The following MBD5 variants were observed in gnomAD, a reference collection of about 807,000 sequenced individuals.
The protein encoded by MBD5 is methyl-CpG-binding domain protein 5.
In MBD5, 13 loss-of-function variants were observed where a neutral mutation model predicts 117.3. That is an observed-to-expected ratio of 0.11 (90% CI 0.07 to 0.18). The LOEUF (loss-of-function observed/expected upper bound fraction) is 0.18, where lower values mean the gene tolerates loss of function less well. MBD5 is among the 10% of genes least tolerant of loss of function. MBD5 has a pLI of 1.00. For synonymous variants in MBD5, 727 were observed against 766.4 expected, an observed-to-expected ratio of 0.95 and a Z score of 0.85; for missense variants, 1,879 against 2,093.8, an observed-to-expected ratio of 0.90 and a Z score of 2.00.
At chr2:148,197,806 G>GTTTTTGTTTTTGTT in intron 2 of MBD5, among the ~76,000 whole-genome samples, 1 of 92,520 alleles carries the variant, frequency 1.1e-5, no homozygotes, top group Non-Finnish European at 2.1e-5. Context: ...TTTTTTTTTT[G>GTTTTTGTTTTTGTT]TTTTTTTTTT....
intron 10 of MBD5, among the ~76,000 whole-genome samples, chr2:148,488,943 T>TA (rs2105119339): frequency 6.6e-6 from 1 of 152,304 alleles, no homozygotes; most frequent in East Asian, 1.9e-4. Context: ...GTATTTCACT[T>TA]AGTTAAGTGG....
chr2:148,331,308 C>T (rs541839597), intron 3 of MBD5, among the ~76,000 whole-genome samples: 1 of 151,898 alleles, frequency 6.6e-6, no homozygotes, highest in South Asian at 2.1e-4. Flanking sequence ...AGACTTACAA[C>T]AGCAGTCCCC....
At chr2:148,464,358 C>T (rs796610846) in intron 7 of MBD5, among the ~76,000 whole-genome samples, 7 of 152,210 alleles carry the variant, frequency 4.6e-5, no homozygotes, top group African/African-American at 1.7e-4. Context: ...TTTATATCTC[C>T]ACCACCACAC....
chr2:148,213,564 A>G (rs1699482142), intron 2 of MBD5, among the ~76,000 whole-genome samples: 10 of 152,200 alleles, frequency 6.6e-5, no homozygotes. Context: ...AAGTTGCCGC[A>G]TCAAAAGTAC....
chr2:148,201,494 C>T (rs1404322611), intron 2 of MBD5, among the ~76,000 whole-genome samples: 1 of 152,182 alleles, frequency 6.6e-6, no homozygotes, highest in African/African-American at 2.4e-5. Flanking sequence ...CCCGGTTGCC[C>T]TGCTCTAGCC....
intron 2 of MBD5, among the ~76,000 whole-genome samples, chr2:148,186,527 A>G (rs1028391099): frequency 1.3e-5 from 2 of 152,250 alleles, no homozygotes; most frequent in Admixed American, 6.5e-5. Context: ...ATATTACCCA[A>G]ATCAAATTGC....
intron 4 of MBD5, among the ~76,000 whole-genome samples, chr2:148,434,231 T>C (rs978382505): frequency 6.6e-6 from 1 of 152,060 alleles, no homozygotes; most frequent in Admixed American, 6.6e-5. Flanking sequence ...ACATACCCTT[T>C]GTCATTTCTA....
intron 8 of MBD5, among the ~76,000 whole-genome samples, chr2:148,482,186 G>T (rs921971284): frequency 6.6e-6 from 1 of 152,090 alleles, no homozygotes; most frequent in Non-Finnish European, 1.5e-5. Flanking sequence ...AAACCCTTTT[G>T]TCCCTGGAAT....
intron 4 of MBD5, among the ~76,000 whole-genome samples, chr2:148,368,342 G>C (rs140179133): frequency 6.6e-6 from 1 of 152,070 alleles, no homozygotes; most frequent in African/African-American, 2.4e-5. Flanking sequence ...AGGGGGTATG[G>C]AAGGGATAGC....
intron 3 of MBD5, among the ~76,000 whole-genome samples, chr2:148,233,965 A>G (rs919421210): frequency 6.6e-6 from 1 of 152,184 alleles, no homozygotes. Flanking sequence ...AGTTAATTCC[A>G]TGACAGCTCC....
intron 11 of MBD5, among the ~76,000 whole-genome samples, chr2:148,497,080 T>C (rs1051626353): frequency 6.6e-6 from 1 of 151,870 alleles, no homozygotes; most frequent in African/African-American, 2.4e-5. Context: ...TAATATTTAC[T>C]ATTTAATAAA....
intron 11 of MBD5, among the ~76,000 whole-genome samples, chr2:148,494,603 A>G (rs780339029): frequency 2.6e-5 from 4 of 152,232 alleles, no homozygotes; most frequent in Non-Finnish European, 5.9e-5. Flanking sequence ...GCCTTGTATT[A>G]TACCACTCAG....
At chr2:148,349,499 T>C (rs1354546323) in intron 4 of MBD5, among the ~76,000 whole-genome samples, 1 of 152,132 alleles carries the variant, frequency 6.6e-6, no homozygotes, top group East Asian at 1.9e-4. Flanking sequence ...CTATTTATTA[T>C]GTAAATATGT....
chr2:148,487,418 G>A (rs1425679128), intron 10 of MBD5, among the ~76,000 whole-genome samples: 2 of 152,102 alleles, frequency 1.3e-5, no homozygotes, highest in African/African-American at 4.8e-5. Flanking sequence ...AAATAGGACT[G>A]GAGTTTAGGG....
rs533289452 is a variant in MBD5, at chr2:148,425,107, A to G, written c.-556-33096A>G. Among the ~76,000 whole-genome samples, 3 of 152,262 alleles carry G rather than the reference A, an allele frequency of 2.0e-5. No homozygotes were observed. The East Asian group carries it at 5.8e-4, about 29-fold the overall frequency. ...AATGAATCCAGGAGCTGGTTTTTTG[A>G]AAAGATCAACAAAATAGATAGACCA... On this transcript the variant is annotated intron_variant, in intron 4 of 13. Transcript: ENST00000642680.
chr2:148,372,831 G>A (rs1461602330), intron 4 of MBD5, among the ~76,000 whole-genome samples: 1 of 152,026 alleles, frequency 6.6e-6, no homozygotes, highest in Admixed American at 6.6e-5. Flanking sequence ...AAAAGACTTA[G>A]TGGAAAGTAA....
chr2:148,313,451 G>A (rs922125464), intron 3 of MBD5, among the ~76,000 whole-genome samples: 3 of 152,164 alleles, frequency 2.0e-5, no homozygotes, highest in Admixed American at 6.5e-5. Context: ...TGTTTACACT[G>A]TGAGGGTAAA....
At chr2:148,149,330 AG>A (rs1697569728) in intron 1 of MBD5, among the ~76,000 whole-genome samples, 1 of 134,358 alleles carries the variant, frequency 7.4e-6, no homozygotes, top group Non-Finnish European at 1.6e-5. Context: ...TTCTTAATCC[AG>A]TCTATCATTG....
At chr2:148,429,418 C>G (rs979526100) in intron 4 of MBD5, among the ~76,000 whole-genome samples, 2 of 152,102 alleles carry the variant, frequency 1.3e-5, no homozygotes, top group Admixed American at 1.3e-4. Flanking sequence ...TTAGTTCAAT[C>G]ATTGTGGAAG....
Sources: allele counts gnomAD v4.1 joint callset (sites outside exome capture counted in the v4.1 genomes callset), GRCh38; gene constraint gnomAD v4.1.1; transcripts MANE v1.5; gene names NCBI Gene and HGNC (gene_info 2026-07-23, HGNC 2026-07-21).